The following PRH1 variants were observed in gnomAD, a reference collection of about 807,000 sequenced individuals.
PRH1 encodes the protein proline rich protein HaeIII subfamily 1, also known as salivary acidic proline-rich phosphoprotein 1/2.
Under a neutral mutation model 7.9 loss-of-function variants are expected in PRH1, and 7 were observed. That is an observed-to-expected ratio of 0.89 (90% confidence interval 0.50 to 1.67). The LOEUF (loss-of-function observed/expected upper bound fraction) is 1.67, where lower values mean the gene tolerates loss of function less well. Among genes scored for constraint, PRH1 ranks in the 40% most tolerant of loss-of-function variants. The probability of loss-of-function intolerance (pLI) is 0.00; values close to 1 mark genes in which losing one functional copy is unlikely to be tolerated. For missense variants in PRH1, 109 were observed against 223.6 expected, an observed-to-expected ratio of 0.49 and a Z score of 3.27; for synonymous variants, 45 against 80.8, an observed-to-expected ratio of 0.56 and a Z score of 2.38.
At chr12:10,999,635 C>G (rs1940485306) in intron 1 of PRH1, among the ~76,000 whole-genome samples, 2 of 152,112 alleles carry the variant, frequency 1.3e-5, no homozygotes, top group African/African-American at 4.8e-5. Context: ...TGCAAACAGA[C>G]TAGGTCCACT....
At chr12:11,026,403 T>C (rs1347490347) in intron 1 of PRH1, among the ~76,000 whole-genome samples, 1 of 113,030 alleles carries the variant, frequency 8.8e-6, no homozygotes, top group African/African-American at 3.3e-5. Flanking sequence ...AGCTAATCAG[T>C]TTGTAGTTAC....
intron 1 of PRH1, among the ~76,000 whole-genome samples, chr12:11,094,014 C>G (rs1945011628): frequency 8.7e-6 from 1 of 114,534 alleles, no homozygotes; most frequent in African/African-American, 2.9e-5. Flanking sequence ...ATCACGACAG[C>G]CATCCACCAA....
At chr12:11,138,775 A>AT (rs1484743530) in intron 1 of PRH1, among the ~76,000 whole-genome samples, 1 of 149,424 alleles carries the variant, frequency 6.7e-6, no homozygotes, top group Non-Finnish European at 1.5e-5. Context: ...GTGGTGGCTC[A>AT]TAACTGTAAT....
intron 1 of PRH1, among the ~76,000 whole-genome samples, chr12:11,084,682 T>G (rs74667518): frequency 0.052 from 6,587 of 126,520 alleles, no homozygotes; most frequent in Non-Finnish European, 0.073. Context: ...TTCTATTATG[T>G]TTCAGAATGT....
At chr12:10,934,329 T>C (rs1400762312) in intron 2 of PRH1, among the ~76,000 whole-genome samples, 1 of 152,158 alleles carries the variant, frequency 6.6e-6, no homozygotes, top group East Asian at 1.9e-4. Context: ...CATCTCACCA[T>C]TATTACCGAA....
At position 11,094,060 on chromosome 12, in the gene PRH1, A is replaced by C. The variant is rs66459824; in HGVS notation, n.124-46872T>G. On this transcript the variant is annotated intron_variant and non_coding_transcript_variant, in intron 1 of 4. Transcript: ENST00000541977. ...GAAAAATAAAATCCAGGTCCAGTGC[A>C]GGCAAGGCTGAGGAAGGCAGATTAT... 6.3e-5 allele frequency among the ~76,000 whole-genome samples: 7 copies of C among 110,858 alleles called. 1 individual carries two copies. Among genetic ancestry groups the C allele is most frequent in the South Asian group, 2.5e-4 (1 of 4,056 alleles). The allele number at this position is 110,858 out of a possible 152,430, so 72.7% of individuals were successfully genotyped here. A position where few individuals can be genotyped will look rare whatever the true frequency, so the allele number is the denominator to read the frequency against.
intron 1 of PRH1, among the ~76,000 whole-genome samples, chr12:11,038,429 G>GT (rs1179112599): frequency 6.6e-6 from 1 of 152,214 alleles, no homozygotes; most frequent in Non-Finnish European, 1.5e-5. Flanking sequence ...TTTCACTACA[G>GT]AGTTTTATCA....
chr12:11,048,463 T>C (rs896377293), upstream of PRH1: 25 of 387,328 alleles, frequency 6.5e-5, no homozygotes, highest in African/African-American at 5.0e-4. Context: ...TCCAAGAGTT[T>C]GGTAAAGCAG....
chr12:10,939,995 T>C (rs546733295), intron 2 of PRH1, among the ~76,000 whole-genome samples: 2 of 152,208 alleles, frequency 1.3e-5, no homozygotes, highest in Non-Finnish European at 2.9e-5. Flanking sequence ...AAGTAAAATA[T>C]GTCAATTTAC....
intron 1 of PRH1, among the ~76,000 whole-genome samples, chr12:11,112,676 G>A (rs1466728299): frequency 6.6e-6 from 1 of 152,146 alleles, no homozygotes; most frequent in African/African-American, 2.4e-5. Context: ...TGCTATTTAT[G>A]ACAAACCCAC....
rs1403255426 is a variant in PRH1 at position 11,022,222 on chromosome 12, A to G, written c.-126+24798T>C. ...AATTCTCTTCTTTAGGTGGAGAGAA[A>G]TAAGGTTGGAGAAATTGGCAATCTT... On this transcript the variant is annotated intron_variant, in intron 1 of 3. Coordinates refer to the PRH1 transcript ENST00000539853. 4.3e-6 allele frequency: 7 copies of G among 1,613,976 alleles called. 1 individual carries two copies. The highest frequency in any genetic ancestry group is 4.0e-5 in the African/African-American group (3 of 74,944).
rs547258220 is a variant in PRH1, at chr12:10,941,801, T to C, written c.-59+31854A>G. Among the ~76,000 whole-genome samples, 112 of 152,242 alleles carry C rather than the reference T, an allele frequency of 7.4e-4. 3 individuals are homozygous for C. The South Asian group carries it at 0.015, about 20-fold the overall frequency. On this transcript the variant is annotated intron_variant, in intron 2 of 3. Transcript: ENST00000539853. The stretch of plus-strand genomic sequence containing the variant: ...TTGGGGAGTGTTAAAGAGCCTTGTT[T>C]TGTCATATTACCAGAGTTGGTTTTC...
chr12:10,965,869 C>G (rs1938475831), intron 2 of PRH1, among the ~76,000 whole-genome samples: 2 of 152,128 alleles, frequency 1.3e-5, no homozygotes, highest in South Asian at 4.1e-4. Flanking sequence ...TTTAAATAGA[C>G]AAAATCCAAA....
chr12:11,150,454 A>C (rs1947038449), intron 1 of PRH1, among the ~76,000 whole-genome samples: 1 of 152,278 alleles, frequency 6.6e-6, no homozygotes. Flanking sequence ...GATTAAGAAA[A>C]TGTGGCACAT....
At chr12:11,012,799 C>A (rs889633921) in intron 1 of PRH1, among the ~76,000 whole-genome samples, 3 of 152,108 alleles carry the variant, frequency 2.0e-5, no homozygotes, top group Admixed American at 1.3e-4. Flanking sequence ...CTCATACGAT[C>A]TTCCCACCTT....
chr12:11,097,497 G>A lies in PRH1; in HGVS notation n.124-50309C>T, dbSNP rs557553880. On this transcript the variant is annotated intron_variant and non_coding_transcript_variant, in intron 1 of 4. Coordinates refer to the PRH1 transcript ENST00000541977. The stretch of plus-strand genomic sequence containing the variant: ...ACGAAAATTAAATTGTTTCTATCAT[G>A]AGCATAGTGAAAGGAGGATTCACTG... 1.6e-4 allele frequency among the ~76,000 whole-genome samples: 18 copies of A among 114,332 alleles called. 5 individuals are homozygous for A. The East Asian group carries it at 3.8e-3, about 24-fold the overall frequency. 75.0% of individuals were successfully genotyped at this position (114,332 alleles called of 152,430 possible).
At position 10,950,616 on chromosome 12, in the gene PRH1, C is replaced by A. The variant is rs761885392; in HGVS notation, c.-59+23039G>T. Among the ~76,000 whole-genome samples, 7 of 151,422 alleles carry A rather than the reference C, an allele frequency of 4.6e-5. No individual in the cohort carries two copies. In the South Asian group the frequency reaches 1.0e-3, roughly 22 times the overall value. ...ATCTTTTTTCTTGAAGTTTCAAATT[C>A]TCTTTTGTTATCAGCAAGTAGAGTC... On this transcript the variant is annotated intron_variant, in intron 2 of 3. Coordinates refer to the PRH1 transcript ENST00000539853.
At chr12:11,044,833 G>A (rs1170694787) in intron 1 of PRH1, among the ~76,000 whole-genome samples, 8 of 152,092 alleles carry the variant, frequency 5.3e-5, no homozygotes, top group East Asian at 3.9e-4. Context: ...GTGGAGAAAC[G>A]GGAACCATTC....
chr12:11,023,043 C>G (rs1468589898), intron 1 of PRH1, among the ~76,000 whole-genome samples: 1 of 152,072 alleles, frequency 6.6e-6, no homozygotes, highest in Non-Finnish European at 1.5e-5. Flanking sequence ...GTTAAAGGAG[C>G]TTGGTCATAA....
Sources: allele counts gnomAD v4.1 joint callset (sites outside exome capture counted in the v4.1 genomes callset), GRCh38; gene constraint gnomAD v4.1.1; transcripts MANE v1.5; gene names NCBI Gene and HGNC (gene_info 2026-07-23, HGNC 2026-07-21).